RPS6KC1: variants seen among roughly 807,000 people sequenced by gnomAD.
The protein encoded by RPS6KC1 is inactive ribosomal protein S6 kinase delta-1.
A neutral mutation model predicts 103.8 loss-of-function variants in RPS6KC1; 54 were observed. The ratio of observed to expected loss-of-function variants is 0.52; its 90% CI spans 0.42 to 0.65. RPS6KC1 has a LOEUF of 0.65. RPS6KC1 is among the 30% of genes least tolerant of loss of function. RPS6KC1 has a pLI of 0.00. For missense variants in RPS6KC1, 1,151 were observed against 1,253.8 expected (o/e 0.92, Z 1.24); for synonymous variants, 439 against 438.7 (o/e 1.00, Z -0.01).
At chr1:213,119,143 G>T (rs2084052603) in intron 5 of RPS6KC1, among the ~76,000 whole-genome samples, 1 of 151,908 alleles carries the variant, frequency 6.6e-6, no homozygotes, top group African/African-American at 2.4e-5. Context: ...AAGTAGGAGA[G>T]TTAGAAATAT....
chr1:213,224,920 A>G (rs2093923135), intron 8 of RPS6KC1, among the ~76,000 whole-genome samples: 1 of 152,232 alleles, frequency 6.6e-6, no homozygotes, highest in African/African-American at 2.4e-5. Context: ...GTAAATTTGG[A>G]AAGATACAGA....
chr1:213,449,461 G>A, the RPS6KC1 span, among the ~76,000 whole-genome samples: 3 of 152,134 alleles, frequency 2.0e-5, no homozygotes, highest in South Asian at 2.1e-4. Flanking sequence ...GTCCTCATGC[G>A]GCCTTCCTTT....
the RPS6KC1 span, among the ~76,000 whole-genome samples, chr1:213,526,021 T>TA: frequency 6.6e-6 from 1 of 152,032 alleles, no homozygotes. Context: ...TGTTGATTTT[T>TA]AAAAAATGGG....
the RPS6KC1 span, among the ~76,000 whole-genome samples, chr1:213,452,009 A>G: frequency 6.6e-6 from 1 of 152,236 alleles, no homozygotes; most frequent in Non-Finnish European, 1.5e-5. Context: ...AGCCCACTCA[A>G]GAGCCAACAG....
the RPS6KC1 span, among the ~76,000 whole-genome samples, chr1:213,665,965 T>C: frequency 6.6e-6 from 1 of 152,250 alleles, no homozygotes; most frequent in Admixed American, 6.5e-5. Flanking sequence ...TAAAAACTTT[T>C]AATAGACAAC....
chr1:213,145,340 G>C (rs535072873), intron 6 of RPS6KC1, among the ~76,000 whole-genome samples: 1 of 152,238 alleles, frequency 6.6e-6, no homozygotes, highest in African/African-American at 2.4e-5. Flanking sequence ...ATGAAGTTGA[G>C]AGGCTAGGAA....
At chr1:213,810,836 A>T in the RPS6KC1 span, among the ~76,000 whole-genome samples, 1 of 152,202 alleles carries the variant, frequency 6.6e-6, no homozygotes. Flanking sequence ...TTTTACAGAT[A>T]AGAAAAATAA....
the RPS6KC1 span, among the ~76,000 whole-genome samples, chr1:213,783,657 T>C: frequency 6.6e-6 from 1 of 152,040 alleles, no homozygotes; most frequent in Non-Finnish European, 1.5e-5. Context: ...GGGATTTTTT[T>C]TTGTCACCAG....
At chr1:213,658,395 C>G in the RPS6KC1 span, among the ~76,000 whole-genome samples, 7,069 of 152,236 alleles carry the variant, frequency 0.046, 269 homozygotes, top group East Asian at 0.16. Flanking sequence ...AAGGGAAGCC[C>G]TGCAGGGGTT....
the RPS6KC1 span, among the ~76,000 whole-genome samples, chr1:213,321,720 A>G: frequency 1.3e-5 from 2 of 152,238 alleles, no homozygotes; most frequent in African/African-American, 4.8e-5. Flanking sequence ...GTAGTATGTC[A>G]GAGAGTTTGA....
At chr1:213,242,511 C>T in intron 11 of RPS6KC1, 58 bp from the exon 12 acceptor site, 1 of 1,390,196 alleles carries the variant, frequency 7.2e-7, no homozygotes, top group Admixed American at 1.8e-5. Flanking sequence ...TTACAGTTCA[C>T]TTCTGCAGAA....
the RPS6KC1 span, among the ~76,000 whole-genome samples, chr1:213,799,345 T>A: frequency 1.3e-5 from 2 of 152,168 alleles, no homozygotes; most frequent in Non-Finnish European, 2.9e-5. Flanking sequence ...AGCTGTTAAA[T>A]CATTAGGGAT....
the RPS6KC1 span, among the ~76,000 whole-genome samples, chr1:213,325,262 C>T: frequency 4.6e-5 from 7 of 152,156 alleles, no homozygotes; most frequent in South Asian, 2.1e-4. Context: ...CTCCGGCATC[C>T]GGCCCTTCCT....
intron 6 of RPS6KC1, among the ~76,000 whole-genome samples, chr1:213,160,080 CAT>C (rs1572925748): frequency 1.3e-5 from 2 of 152,224 alleles, no homozygotes; most frequent in South Asian, 2.1e-4. Context: ...TAAACTTTGT[CAT>C]GTGTAAATTA....
At chr1:213,605,646 T>G in the RPS6KC1 span, among the ~76,000 whole-genome samples, 2 of 152,248 alleles carry the variant, frequency 1.3e-5, no homozygotes, top group Admixed American at 6.5e-5. Context: ...ATGTCTGTCT[T>G]GTTCTTCTAG....
the RPS6KC1 span, among the ~76,000 whole-genome samples, chr1:213,700,450 C>T: frequency 1.3e-5 from 2 of 151,740 alleles, no homozygotes; most frequent in Non-Finnish European, 2.9e-5. Flanking sequence ...GTTACTATAG[C>T]TCTGTATTTG....
the RPS6KC1 span, among the ~76,000 whole-genome samples, chr1:213,757,486 G>T: frequency 1.3e-5 from 2 of 152,174 alleles, no homozygotes; most frequent in African/African-American, 4.8e-5. Context: ...TCTTCAATTC[G>T]ATGAAGACTG....
At chr1:213,384,130 G>A in the RPS6KC1 span, among the ~76,000 whole-genome samples, 11 of 152,012 alleles carry the variant, frequency 7.2e-5, no homozygotes, top group Admixed American at 1.3e-4. Flanking sequence ...CAAAAAATTA[G>A]CTGGGTGTGG....
the RPS6KC1 span, among the ~76,000 whole-genome samples, chr1:213,667,280 A>G: frequency 6.6e-6 from 1 of 152,194 alleles, no homozygotes; most frequent in Non-Finnish European, 1.5e-5. Flanking sequence ...ATATAGGCAT[A>G]CCTCAAAGAC....
Sources: allele counts gnomAD v4.1 joint callset (sites outside exome capture counted in the v4.1 genomes callset), GRCh38; gene constraint gnomAD v4.1.1; transcripts MANE v1.5; gene names NCBI Gene and HGNC (gene_info 2026-07-23, HGNC 2026-07-21).